ENPP5: variants seen among roughly 807,000 people sequenced by gnomAD.
ENPP5 encodes the protein ectonucleotide pyrophosphatase/phosphodiesterase family member 5.
A neutral mutation model predicts 33.7 loss-of-function variants in ENPP5; 27 were observed. That is an observed-to-expected ratio of 0.80 (90% CI 0.59 to 1.11). The LOEUF is 1.11. ENPP5 is among the 50% of genes least tolerant of loss of function. ENPP5 has a pLI of 0.00. For missense variants in ENPP5, 552 were observed against 579.2 expected (o/e 0.95, Z 0.48); for synonymous variants, 199 against 200.5 (o/e 0.99, Z 0.06).
At chr6:46,165,256 T>C in intron 4 of ENPP5, 131 bp downstream of exon 4, 1 of 690,476 alleles carries the variant, frequency 1.4e-6, no homozygotes, top group Non-Finnish European at 2.3e-6. Context: ...TACGAAAACA[T>C]TGTAGTTCCT....
chr6:46,163,373 C>A (rs1391170369), intron 4 of ENPP5, among the ~76,000 whole-genome samples: 1 of 121,032 alleles, frequency 8.3e-6, no homozygotes. Flanking sequence ...CCCCTCCCCC[C>A]ACCCCACAAC....
chr6:46,169,455 C>T (rs1009391906), intron 2 of ENPP5, among the ~76,000 whole-genome samples: 1 of 151,012 alleles, frequency 6.6e-6, no homozygotes, highest in Non-Finnish European at 1.5e-5. Context: ...TGCGGTGGCA[C>T]GATCTCAGCT....
At position 46,159,386 on chromosome 6, in the gene ENPP5, C is replaced by T. The variant is rs1764318013; in HGVS notation, c.*1940G>A. On this transcript the variant is annotated 3_prime_UTR_variant, in exon 5 of 5. Coordinates refer to ENST00000371383, the MANE Select transcript of ENPP5 (RefSeq NM_001290072.2). ...ATGGACAGATAGCATAATAGTAATG[C>T]TCTAAAATGGACCAATTTCACCTTC... 1 of 152,088 alleles carries T rather than the reference C, an allele frequency of 6.6e-6. No individual in the cohort carries two copies. The highest frequency in any genetic ancestry group is 6.6e-5 in the Admixed American group (1 of 15,264). 9.4% of individuals were successfully genotyped at this position (152,088 alleles called of 1,614,324 possible).
chr6:46,166,303 T>G (rs1764542485), intron 3 of ENPP5, among the ~76,000 whole-genome samples: 1 of 151,048 alleles, frequency 6.6e-6, no homozygotes, highest in South Asian at 2.1e-4. Context: ...TTTTTCTTTC[T>G]TTTTTTTCTT....
At chr6:46,162,697 C>T (rs1298945318) in intron 4 of ENPP5, among the ~76,000 whole-genome samples, 1 of 152,092 alleles carries the variant, frequency 6.6e-6, no homozygotes, top group African/African-American at 2.4e-5. Flanking sequence ...AAACTGACCC[C>T]TAGTCATTTC....
intron 4 of ENPP5, chr6:46,165,065 C>A: frequency 5.8e-6 from 1 of 173,322 alleles, no homozygotes; most frequent in Admixed American, 6.3e-5. Context: ...AACCAGAAAC[C>A]ATGTATCTGT....
In ENPP5 at chr6:46,170,947, C is replaced by G. The variant is rs1037591789; in HGVS notation, c.-237G>C. 8.5e-5 allele frequency: 13 copies of G among 152,348 alleles called. No individual in the cohort carries two copies. The highest frequency in any genetic ancestry group is 2.7e-4 in the African/African-American group (11 of 41,466). The allele number at this position is 152,348 out of a possible 1,614,324, so 9.4% of individuals were successfully genotyped here. On this transcript the variant is annotated 5_prime_UTR_variant, in exon 1 of 5. Transcript: ENST00000371383. ...CCCGGAACGCGCAGGAGCTCACCTG[C>G]GCTCAACTCTGGAGCGGAGCACCTG...
intron 4 of ENPP5, 77 bp downstream of exon 4, chr6:46,165,310 G>A: frequency 9.7e-7 from 1 of 1,036,030 alleles, no homozygotes; most frequent in East Asian, 2.6e-5. Context: ...TCAATAAACT[G>A]CTGTATTATG....
intron 4 of ENPP5, 142 bp downstream of exon 4, chr6:46,165,245 G>T: frequency 1.6e-6 from 1 of 625,194 alleles, no homozygotes. Context: ...TTTTAGATAA[G>T]TACGAAAACA....
In ENPP5 at chr6:46,164,165, T is replaced by C. The variant is rs941898058; in HGVS notation, c.1006+1222A>G. Among the ~76,000 whole-genome samples, 6 of 151,840 alleles carry C rather than the reference T, an allele frequency of 4.0e-5. No homozygotes were observed. In the East Asian group the frequency reaches 9.7e-4, roughly 25 times the overall value. ...ACCATCAGAGTGAACAGGCAACCTA[T>C]AAAATGGGAGAAAATTTTCGCAACC... On this transcript the variant is annotated intron_variant, in intron 4 of 4. Coordinates refer to ENST00000371383, the MANE Select transcript of ENPP5 (RefSeq NM_001290072.2).
chr6:46,160,038 A>G lies in ENPP5; in HGVS notation c.*1288T>C, dbSNP rs940931578. On this transcript the variant is annotated 3_prime_UTR_variant, in exon 5 of 5. Transcript: ENST00000371383. ...AGTACTACCTTGGAAGTAGAAGTCTATTTGTGAACTTGGATTCATCTTTGA... is the reference window on the plus strand; with the variant it reads ...AGTACTACCTTGGAAGTAGAAGTCTGTTTGTGAACTTGGATTCATCTTTGA... 6.6e-6 allele frequency: 1 copy of G among 152,214 alleles called. No individual in the cohort carries two copies. The highest frequency in any genetic ancestry group is 1.5e-5 in the Non-Finnish European group (1 of 68,034). 9.4% of individuals were successfully genotyped at this position (152,214 alleles called of 1,614,324 possible).
intron 4 of ENPP5, among the ~76,000 whole-genome samples, chr6:46,163,101 G>C (rs1764435621): frequency 6.6e-6 from 1 of 152,216 alleles, no homozygotes; most frequent in South Asian, 2.1e-4. Flanking sequence ...TGATCAAGTA[G>C]ATGGTATTTA....
chr6:46,170,390 A>AT (rs35802161), intron 1 of ENPP5, among the ~76,000 whole-genome samples: 20,039 of 146,832 alleles, frequency 0.14, 1,764 homozygotes, highest in South Asian at 0.34. Flanking sequence ...AACAATCAGA[A>AT]TTTTTTTTTT....
intron 3 of ENPP5, among the ~76,000 whole-genome samples, chr6:46,165,955 A>C (rs998565187): frequency 1.3e-5 from 2 of 152,164 alleles, no homozygotes; most frequent in Admixed American, 6.5e-5. Context: ...CTGGGAAAAG[A>C]GGCTGGAGGT....
In ENPP5 at chr6:46,168,755, A is replaced by G. The variant is rs1764634864; in HGVS notation, c.-35-458T>C. 1.3e-5 allele frequency among the ~76,000 whole-genome samples: 2 copies of G among 151,822 alleles called. 1 individual carries two copies. Among genetic ancestry groups the G allele is most frequent in the South Asian group, 4.1e-4 (2 of 4,826 alleles). On this transcript the variant is annotated intron_variant, in intron 2 of 4. Coordinates refer to ENST00000371383, the MANE Select transcript of ENPP5 (RefSeq NM_001290072.2). ...ATTAGCAAATCGAATAATGGTGCAT[A>G]TACATATATATTATATATATATGTA...
At chr6:46,165,249 GA>G (rs1764507366) in intron 4 of ENPP5, 137 bp downstream of exon 4, 2 of 653,710 alleles carry the variant, frequency 3.1e-6, no homozygotes, top group Non-Finnish European at 4.8e-6. Flanking sequence ...AGATAAGTAC[GA>G]AAACATTGTA....
chr6:46,167,555 T>C lies in ENPP5; in HGVS notation c.708A>G (p.Thr236=). 1 of 1,614,146 alleles carries C rather than the reference T, an allele frequency of 6.2e-7. No homozygotes were observed. The highest frequency in any genetic ancestry group is 8.5e-7 in the Non-Finnish European group (1 of 1,179,990). The change falls in exon 3 of 5, where the codon ACA becomes ACG. Residue 236 remains threonine, a synonymous_variant. Transcript: ENST00000371383. The part of the protein sequence containing the change: ...KLWNTLNLII[T]SDHGMTQCSE... Reference sequence around the variant, plus strand: ...AGCACTGCGTCATTCCATGATCACTTGTGATGATTAGGTTCAGAGTGTTCC... The same window carrying C: ...AGCACTGCGTCATTCCATGATCACTCGTGATGATTAGGTTCAGAGTGTTCC...
At chr6:46,165,741 G>A (rs1430669108) in intron 3 of ENPP5, among the ~76,000 whole-genome samples, 178 bp from the exon 4 acceptor site, 1 of 152,196 alleles carries the variant, frequency 6.6e-6, no homozygotes, top group Non-Finnish European at 1.5e-5. Flanking sequence ...TCTGTTGTAA[G>A]TTCACCTTAT....
intron 2 of ENPP5, among the ~76,000 whole-genome samples, chr6:46,168,844 A>C (rs1764640670): frequency 6.6e-6 from 1 of 152,234 alleles, no homozygotes; most frequent in South Asian, 2.1e-4. Flanking sequence ...GTATTACTAA[A>C]GAGAGAGGAA....
Sources: allele counts gnomAD v4.1 joint callset (sites outside exome capture counted in the v4.1 genomes callset), GRCh38; gene constraint gnomAD v4.1.1; transcripts MANE v1.5; gene names NCBI Gene and HGNC (gene_info 2026-07-23, HGNC 2026-07-21).